SOX5: variants seen among roughly 807,000 people sequenced by gnomAD.
The protein encoded by SOX5 is transcription factor SOX-5.
A neutral mutation model predicts 92.0 loss-of-function variants in SOX5; 9 were observed. The ratio of observed to expected loss-of-function variants is 0.10; its 90% CI spans 0.06 to 0.17. The LOEUF is 0.17. Ranked by LOEUF, SOX5 falls within the 10% of genes least tolerant of loss-of-function variation. SOX5 has a pLI of 1.00. For missense variants in SOX5, 642 were observed against 944.5 expected, an observed-to-expected ratio of 0.68 and a Z score of 4.20; for synonymous variants, 344 against 336.3, an observed-to-expected ratio of 1.02 and a Z score of -0.25.
chr12:23,882,655 G>A (rs1308204379), intron 2 of SOX5, among the ~76,000 whole-genome samples: 1 of 152,112 alleles, frequency 6.6e-6, no homozygotes, highest in Non-Finnish European at 1.5e-5. Context: ...CGATGGAAAA[G>A]GGAGTTCATA....
intron 1 of SOX5, among the ~76,000 whole-genome samples, chr12:23,907,400 C>T (rs2138233226): frequency 6.6e-6 from 1 of 152,164 alleles, no homozygotes; most frequent in East Asian, 1.9e-4. Flanking sequence ...CTGATGCTAA[C>T]AACTTTCAAT....
chr12:24,041,167 C>A lies in SOX5; in HGVS notation c.-1-145143G>T, dbSNP rs554901301. On this transcript the variant is annotated intron_variant, in intron 4 of 4. Transcript: ENST00000446891. ...ATCAAAGCTGAAGAATCCCAAATAC[C>A]AGTTTTGATTGTCCCAGTGGGATGG... Among the ~76,000 whole-genome samples, 5 of 152,180 alleles carry A rather than the reference C, an allele frequency of 3.3e-5. No individual in the cohort carries two copies. In the East Asian group the frequency reaches 7.7e-4, roughly 23 times the overall value.
At chr12:24,137,253 T>A (rs1950186270) in intron 4 of SOX5, among the ~76,000 whole-genome samples, 1 of 152,166 alleles carries the variant, frequency 6.6e-6, no homozygotes, top group Non-Finnish European at 1.5e-5. Flanking sequence ...ACTGGGCAAG[T>A]TCTCTCCTGA....
intron 9 of SOX5, among the ~76,000 whole-genome samples, chr12:23,577,148 TATACAC>T (rs1381142266): frequency 3.6e-5 from 4 of 112,284 alleles, no homozygotes; most frequent in Admixed American, 2.1e-4. Flanking sequence ...TATATATATA[TATACAC>T]ACACACACAC....
At chr12:24,160,220 A>G (rs971785525) in intron 4 of SOX5, among the ~76,000 whole-genome samples, 2 of 152,064 alleles carry the variant, frequency 1.3e-5, no homozygotes, top group Admixed American at 1.3e-4. Flanking sequence ...AAATTACTTG[A>G]ATGTAGTTAG....
At chr12:23,993,891 G>GCA in intron 4 of SOX5, among the ~76,000 whole-genome samples, 2 of 151,912 alleles carry the variant, frequency 1.3e-5, no homozygotes, top group South Asian at 2.1e-4. Flanking sequence ...ATGTATGTAT[G>GCA]TATGTATGTA....
chr12:24,506,156 A>C (rs1367720181), intron 1 of SOX5, among the ~76,000 whole-genome samples: 1 of 152,122 alleles, frequency 6.6e-6, no homozygotes, highest in Non-Finnish European at 1.5e-5. Context: ...TCACAACAAA[A>C]CATCAAAATC....
intron 4 of SOX5, among the ~76,000 whole-genome samples, chr12:23,967,061 C>T (rs2140092229): frequency 6.6e-6 from 1 of 152,204 alleles, no homozygotes; most frequent in South Asian, 2.1e-4. Context: ...GCATACAATG[C>T]ATAGCATAAG....
At position 24,311,193 on chromosome 12, in the gene SOX5, T is replaced by A. The variant is rs537606935; in HGVS notation, c.-173-33881A>T. On this transcript the variant is annotated intron_variant, in intron 2 of 4. Transcript: ENST00000446891. ...CAGGAAAAATCTGAACAAACAGGAC[T>A]TGCTGTAGTACGCCCCACCCAGTTT... Among the ~76,000 whole-genome samples, 7 of 152,322 alleles carry A rather than the reference T, an allele frequency of 4.6e-5. No individual in the cohort carries two copies. The East Asian group carries it at 1.4e-3, about 29-fold the overall frequency.
At chr12:24,126,260 T>G (rs1267062019) in intron 4 of SOX5, among the ~76,000 whole-genome samples, 5 of 152,154 alleles carry the variant, frequency 3.3e-5, no homozygotes, top group Admixed American at 3.3e-4. Context: ...TGTATCCTTA[T>G]AGCATGTCCC....
At chr12:23,659,906 G>T (rs1223954396) in intron 7 of SOX5, among the ~76,000 whole-genome samples, 1 of 152,198 alleles carries the variant, frequency 6.6e-6, no homozygotes, top group Non-Finnish European at 1.5e-5. Context: ...GGTGGAGGTT[G>T]CAGTGAGCCG....
At chr12:23,827,043 C>T (rs916737650) in intron 3 of SOX5, among the ~76,000 whole-genome samples, 10 of 152,080 alleles carry the variant, frequency 6.6e-5, no homozygotes, top group African/African-American at 1.9e-4. Context: ...ATGAGCTCTA[C>T]GTTGATATTA....
chr12:23,679,070 T>C (rs958811981), intron 6 of SOX5, among the ~76,000 whole-genome samples: 2 of 152,186 alleles, frequency 1.3e-5, no homozygotes, highest in Non-Finnish European at 2.9e-5. Context: ...AGGAATCTTT[T>C]CTGCTATAAT....
intron 2 of SOX5, among the ~76,000 whole-genome samples, chr12:23,853,870 C>G (rs1595068147): frequency 6.6e-6 from 1 of 152,128 alleles, no homozygotes; most frequent in East Asian, 1.9e-4. Flanking sequence ...CCTGAGTGAG[C>G]AAAGACCAAC....
chr12:23,646,404 C>A (rs1037136381), intron 7 of SOX5, among the ~76,000 whole-genome samples: 2 of 152,168 alleles, frequency 1.3e-5, no homozygotes, highest in African/African-American at 4.8e-5. Context: ...TGGGCTCAAG[C>A]AATCCACCTG....
Position 24,414,630 on chromosome 12 carries a change from G to A in SOX5, c.-250-45991C>T, listed in dbSNP as rs138313405. The stretch of plus-strand genomic sequence containing the variant: ...ACCCAGAGGTGCCACATGTGATGAC[G>A]GACAGGAAAAGAGAAAGGAAGTGAA... On this transcript the variant is annotated intron_variant, in intron 1 of 4. Coordinates refer to the SOX5 transcript ENST00000446891. Among the ~76,000 whole-genome samples, 601 of 152,230 alleles carry A rather than the reference G, an allele frequency of 3.9e-3. 13 individuals are homozygous for A. The highest frequency in any genetic ancestry group is 6.9e-3 in the East Asian group (36 of 5,182).
intron 1 of SOX5, among the ~76,000 whole-genome samples, chr12:24,539,610 C>T (rs1256243592): frequency 1.3e-5 from 2 of 151,972 alleles, no homozygotes; most frequent in Non-Finnish European, 2.9e-5. Flanking sequence ...AAAAACTGAC[C>T]ACAGTAAAAT....
At chr12:24,182,564 G>A (rs904629841) in intron 4 of SOX5, among the ~76,000 whole-genome samples, 2 of 151,606 alleles carry the variant, frequency 1.3e-5, no homozygotes, top group Non-Finnish European at 3.0e-5. Context: ...CATGCTATTG[G>A]GACTCTTTTT....
At chr12:24,219,511 T>C (rs1959883728) in intron 3 of SOX5, among the ~76,000 whole-genome samples, 2 of 152,108 alleles carry the variant, frequency 1.3e-5, no homozygotes, top group African/African-American at 4.8e-5. Flanking sequence ...TCCCCACTTC[T>C]ATCTATTTAA....
Sources: allele counts gnomAD v4.1 joint callset (sites outside exome capture counted in the v4.1 genomes callset), GRCh38; gene constraint gnomAD v4.1.1; transcripts MANE v1.5; gene names NCBI Gene and HGNC (gene_info 2026-07-23, HGNC 2026-07-21).